The following REDIC1 variants were observed in gnomAD, a reference collection of about 807,000 sequenced individuals.
REDIC1 encodes the protein HEI10 Interacting Protein 1.
the REDIC1 span, among the ~76,000 whole-genome samples, chr12:39,748,960 G>C: frequency 6.6e-6 from 1 of 152,174 alleles, no homozygotes; most frequent in South Asian, 2.1e-4. Flanking sequence ...ACCCACAAGA[G>C]AAAGCAGGAA....
chr12:39,806,734 T>A, the REDIC1 span, among the ~76,000 whole-genome samples: 1 of 152,212 alleles, frequency 6.6e-6, no homozygotes, highest in Non-Finnish European at 1.5e-5. Context: ...TAAATTATAC[T>A]GTGGGAAACA....
the REDIC1 span, among the ~76,000 whole-genome samples, chr12:39,794,177 T>C: frequency 2.1e-5 from 3 of 143,136 alleles, no homozygotes; most frequent in Non-Finnish European, 4.6e-5. Context: ...TTCTGCAAAA[T>C]TGCAAGAGTT....
the REDIC1 span, among the ~76,000 whole-genome samples, chr12:39,712,469 T>TATATACATACGTATATATACGTATGC: frequency 1.4e-4 from 20 of 141,530 alleles, no homozygotes; most frequent in African/African-American, 5.2e-4. Context: ...TATACGTATG[T>TATATACATACGTATATATACGTATGC]ATATATACAT....
chr12:39,746,242 C>G, the REDIC1 span, among the ~76,000 whole-genome samples: 4 of 152,140 alleles, frequency 2.6e-5, no homozygotes, highest in African/African-American at 9.7e-5. Context: ...CACCCTAATA[C>G]TGCACTTTTC....
the REDIC1 span, among the ~76,000 whole-genome samples, chr12:39,653,524 C>CTTT: frequency 2.1e-3 from 124 of 57,808 alleles, no homozygotes; most frequent in Non-Finnish European, 4.3e-3. Flanking sequence ...TCTTCTTCTT[C>CTTT]TTCTTCTTCT....
the REDIC1 span, among the ~76,000 whole-genome samples, chr12:39,710,064 T>C: frequency 6.6e-6 from 1 of 151,874 alleles, no homozygotes; most frequent in Non-Finnish European, 1.5e-5. Context: ...TCTTTTTAAA[T>C]GGTGAATTTT....
the REDIC1 span, among the ~76,000 whole-genome samples, chr12:39,667,062 T>A: frequency 6.6e-6 from 1 of 152,136 alleles, no homozygotes; most frequent in South Asian, 2.1e-4. Context: ...GTGTCTCTAT[T>A]TCCTTCAGTT....
At chr12:39,886,235 T>C in the REDIC1 span, among the ~76,000 whole-genome samples, 1 of 152,092 alleles carries the variant, frequency 6.6e-6, no homozygotes, top group Non-Finnish European at 1.5e-5. Flanking sequence ...GACACACAAA[T>C]GTATTATTAA....
At chr12:39,712,315 T>C in the REDIC1 span, among the ~76,000 whole-genome samples, 183 of 43,960 alleles carry the variant, frequency 4.2e-3, 1 homozygote, top group African/African-American at 9.1e-3. Context: ...CATATATATG[T>C]ATATATACAT....
chr12:39,713,769 ATATT>A, the REDIC1 span, among the ~76,000 whole-genome samples: 5 of 149,158 alleles, frequency 3.4e-5, no homozygotes, highest in African/African-American at 1.2e-4. Flanking sequence ...ACGTATATAT[ATATT>A]TGTACGTAAA....
the REDIC1 span, chr12:39,692,131 G>T: frequency 6.6e-7 from 1 of 1,506,226 alleles, no homozygotes; most frequent in Non-Finnish European, 9.0e-7. Flanking sequence ...AACTGTATAA[G>T]TTAATTTTAC....
the REDIC1 span, among the ~76,000 whole-genome samples, chr12:39,789,734 T>C: frequency 2.0e-5 from 3 of 152,192 alleles, no homozygotes; most frequent in Non-Finnish European, 4.4e-5. Context: ...TCCATTAACC[T>C]AGTTGATAAA....
chr12:39,651,678 A>T, the REDIC1 span, among the ~76,000 whole-genome samples: 3 of 152,034 alleles, frequency 2.0e-5, no homozygotes, highest in Non-Finnish European at 4.4e-5. Flanking sequence ...TTGCCTGGAG[A>T]GTTGTAATGC....
At chr12:39,841,337 A>G in the REDIC1 span, among the ~76,000 whole-genome samples, 1 of 152,112 alleles carries the variant, frequency 6.6e-6, no homozygotes, top group African/African-American at 2.4e-5. Context: ...AATCCTTTTA[A>G]TGAATTATTG....
the REDIC1 span, among the ~76,000 whole-genome samples, chr12:39,899,405 A>G: frequency 2.6e-5 from 4 of 151,892 alleles, no homozygotes; most frequent in Non-Finnish European, 5.9e-5. Flanking sequence ...CGGTCTATCA[A>G]TTTTGCTGAT....
At chr12:39,830,357 TG>T in the REDIC1 span, 1 of 1,448,214 alleles carries the variant, frequency 6.9e-7, no homozygotes, top group Middle Eastern at 2.3e-4. Context: ...GGACTTGTTT[TG>T]GCCAAGGAAA....
chr12:39,681,573 T>C, the REDIC1 span, among the ~76,000 whole-genome samples: 5 of 152,228 alleles, frequency 3.3e-5, no homozygotes, highest in Admixed American at 1.3e-4. Context: ...ATGTTAATGG[T>C]GTATATTAGT....
the REDIC1 span, among the ~76,000 whole-genome samples, chr12:39,779,422 T>G: frequency 6.6e-6 from 1 of 152,194 alleles, no homozygotes; most frequent in Admixed American, 6.5e-5. Flanking sequence ...TTTGGGGGAC[T>G]TTTATGACCC....
chr12:39,836,051 G>A, the REDIC1 span, among the ~76,000 whole-genome samples: 4 of 152,080 alleles, frequency 2.6e-5, no homozygotes, highest in Admixed American at 6.6e-5. Flanking sequence ...GGCCAGTTTC[G>A]TTGAGGCCCA....
Sources: allele counts gnomAD v4.1 joint callset (sites outside exome capture counted in the v4.1 genomes callset), GRCh38; gene constraint gnomAD v4.1.1; transcripts MANE v1.5; gene names NCBI Gene and HGNC (gene_info 2026-07-23, HGNC 2026-07-21).